TBC1D30: variants seen among roughly 807,000 people sequenced by gnomAD.
TBC1D30 encodes the protein TBC1 domain family member 30.
Under a neutral mutation model 63.2 loss-of-function variants are expected in TBC1D30, and 31 were observed. That is an observed-to-expected ratio of 0.49 (90% confidence interval 0.37 to 0.66). The LOEUF is 0.66. Among genes scored for constraint, TBC1D30 ranks in the 30% least tolerant of loss-of-function variants. The pLI is 0.00. For missense variants in TBC1D30, 810 were observed against 953.6 expected (o/e 0.85, Z 1.98); for synonymous variants, 307 against 361.5 (o/e 0.85, Z 1.71).
intron 1 of TBC1D30, among the ~76,000 whole-genome samples, chr12:64,774,595 C>A (rs967074359): frequency 1.3e-5 from 2 of 152,190 alleles, no homozygotes; most frequent in African/African-American, 4.8e-5. Flanking sequence ...ACAGACCTCT[C>A]AGAGGAAAAC....
exon 2 of TBC1D30, chr12:64,786,012 A>G: frequency 7.8e-7 from 1 of 1,288,944 alleles, no homozygotes; most frequent in Non-Finnish European, 1.0e-6. Flanking sequence ...TGATATTGTG[A>G]CTGCCTGCTT....
Position 64,878,525 on chromosome 12 carries a change from C to T in TBC1D30, c.*2737C>T, listed in dbSNP as rs1261565518. Reference sequence around the variant, plus strand: ...TCTAAATCTAGTTAGCAATGTCAGCCTGTGGACTGCAGCTGTTTGGGACAT... The same window carrying T: ...TCTAAATCTAGTTAGCAATGTCAGCTTGTGGACTGCAGCTGTTTGGGACAT... On this transcript the variant is annotated 3_prime_UTR_variant, in exon 12 of 12. Coordinates refer to ENST00000539867, the MANE Select transcript of TBC1D30 (RefSeq NM_015279.2). 1 of 456,740 alleles carries T rather than the reference C, an allele frequency of 2.2e-6. No homozygotes were observed. The allele number at this position is 456,740 out of a possible 1,614,324, so 28.3% of individuals were successfully genotyped here.
At chr12:64,791,083 T>G (rs1023421394) in intron 2 of TBC1D30, among the ~76,000 whole-genome samples, 3 of 152,242 alleles carry the variant, frequency 2.0e-5, no homozygotes, top group Admixed American at 2.0e-4. Flanking sequence ...TTATTATTCA[T>G]ATAATTGAAT....
upstream of TBC1D30, among the ~76,000 whole-genome samples, chr12:64,780,258 C>T (rs1871198107): frequency 6.6e-6 from 1 of 152,290 alleles, no homozygotes; most frequent in African/African-American, 2.4e-5. Context: ...CTTTTGAAGG[C>T]GCTCAGATCA....
chr12:64,840,249 T>C (rs375565873), intron 7 of TBC1D30, among the ~76,000 whole-genome samples: 1 of 152,186 alleles, frequency 6.6e-6, no homozygotes, highest in Non-Finnish European at 1.5e-5. Flanking sequence ...CTCTATACAT[T>C]GTAAGCCCTT....
chr12:64,839,570 G>A (rs1170447262), intron 7 of TBC1D30, among the ~76,000 whole-genome samples: 1 of 152,182 alleles, frequency 6.6e-6, no homozygotes, highest in Non-Finnish European at 1.5e-5. Flanking sequence ...AATGACGAGT[G>A]GGTTCCCACA....
intron 1 of TBC1D30, among the ~76,000 whole-genome samples, chr12:64,773,478 A>G (rs1870977267): frequency 1.3e-5 from 2 of 150,884 alleles, no homozygotes; most frequent in Non-Finnish European, 3.0e-5. Context: ...GCTGCTCTAC[A>G]AAAGCATGGC....
chr12:64,767,498 T>C (rs1870754164), intron 1 of TBC1D30, among the ~76,000 whole-genome samples: 1 of 152,154 alleles, frequency 6.6e-6, no homozygotes, highest in Admixed American at 6.5e-5. Flanking sequence ...GGTGAATGCA[T>C]TCTCTTCTGT....
chr12:64,816,206 T>A (rs1169810176), intron 2 of TBC1D30, among the ~76,000 whole-genome samples: 3 of 152,110 alleles, frequency 2.0e-5, no homozygotes, highest in Non-Finnish European at 2.9e-5. Flanking sequence ...CTAATTTTTG[T>A]ATTTTTAGTA....
At chr12:64,802,386 C>G (rs557045365) in intron 2 of TBC1D30, among the ~76,000 whole-genome samples, 4 of 152,256 alleles carry the variant, frequency 2.6e-5, no homozygotes, top group East Asian at 1.9e-4. Context: ...TGCTGTTACC[C>G]GAGATGGCCA....
chr12:64,778,934 T>G (rs1297363525), upstream of TBC1D30: 2 of 152,188 alleles, frequency 1.3e-5, no homozygotes, highest in Non-Finnish European at 2.9e-5. Flanking sequence ...CTTTCCTTGT[T>G]AGTTTTTAGT....
intron 2 of TBC1D30, among the ~76,000 whole-genome samples, chr12:64,800,446 G>T (rs1008103081): frequency 1.3e-5 from 2 of 152,136 alleles, no homozygotes; most frequent in African/African-American, 4.8e-5. Context: ...AGAGGCGAAT[G>T]GAATCAGCTC....
At chr12:64,828,835 G>A (rs1874587296) in intron 3 of TBC1D30, among the ~76,000 whole-genome samples, 1 of 152,154 alleles carries the variant, frequency 6.6e-6, no homozygotes, top group African/African-American at 2.4e-5. Flanking sequence ...TAGGAGAAAA[G>A]GGGTAAGGAG....
chr12:64,822,228 C>T (rs1409950604), upstream of TBC1D30, among the ~76,000 whole-genome samples: 2 of 152,238 alleles, frequency 1.3e-5, no homozygotes, highest in South Asian at 2.1e-4. Context: ...CTCACCCAGG[C>T]TGGAGTGCAG....
chr12:64,769,351 G>C (rs146495095), intron 1 of TBC1D30, among the ~76,000 whole-genome samples: 3 of 150,852 alleles, frequency 2.0e-5, no homozygotes, highest in African/African-American at 7.3e-5. Flanking sequence ...GATTACAGGC[G>C]TGCACCACCA....
At chr12:64,788,238 C>G (rs1165697552) in intron 2 of TBC1D30, among the ~76,000 whole-genome samples, 2 of 150,272 alleles carry the variant, frequency 1.3e-5, no homozygotes, top group Non-Finnish European at 3.0e-5. Context: ...TTGTGTGTAG[C>G]TATTGAAAGG....
intron 2 of TBC1D30, among the ~76,000 whole-genome samples, chr12:64,812,259 G>T (rs1873260892): frequency 6.6e-6 from 1 of 151,602 alleles, no homozygotes; most frequent in Non-Finnish European, 1.5e-5. Flanking sequence ...TTTACTTCTT[G>T]TTTCTTGGGT....
intron 7 of TBC1D30, among the ~76,000 whole-genome samples, chr12:64,842,275 C>T (rs1336909694): frequency 6.6e-6 from 1 of 152,134 alleles, no homozygotes; most frequent in Non-Finnish European, 1.5e-5. Flanking sequence ...AGGAGGATTG[C>T]TTAAGCCCAA....
chr12:64,801,708 A>G (rs1027805483), intron 2 of TBC1D30, among the ~76,000 whole-genome samples: 1 of 152,208 alleles, frequency 6.6e-6, no homozygotes, highest in African/African-American at 2.4e-5. Context: ...TGTTAATACA[A>G]TCTTTACATG....
Sources: gnomAD v4.1 joint callset for allele counts (sites outside exome capture counted in the v4.1 genomes callset) on GRCh38, gnomAD v4.1.1 for gene constraint, MANE v1.5 for transcripts, NCBI Gene and HGNC (gene_info 2026-07-23, HGNC 2026-07-21) for gene names.